The following ADAMTS9 variants were observed in gnomAD, a reference collection of about 807,000 sequenced individuals.
The protein encoded by ADAMTS9 is ADAM metallopeptidase with thrombospondin type 1 motif 9.
ADAMTS9 carries 107 observed loss-of-function variants against 257.1 expected under a neutral mutation model. The ratio of observed to expected loss-of-function variants is 0.42; its 90% CI spans 0.36 to 0.49. The LOEUF is 0.49. ADAMTS9 is among the 20% of genes least tolerant of loss of function. The pLI is 0.03. For synonymous variants in ADAMTS9, 982 were observed against 880.9 expected, an observed-to-expected ratio of 1.11 and a Z score of -2.03; for missense variants, 2,353 against 2,469.1, an observed-to-expected ratio of 0.95 and a Z score of 1.00.
Position 64,541,631 on chromosome 3 carries a change from C to T in ADAMTS9, c.5198-11G>A. On this transcript the variant is annotated splice_polypyrimidine_tract_variant and intron_variant, in intron 33 of 39. Coordinates refer to ENST00000498707, the MANE Select transcript of ADAMTS9 (RefSeq NM_182920.2). The stretch of plus-strand genomic sequence containing the variant: ...TCTGGGGTAACTCACCTAGAAAACA[C>T]CAATCACAAAAAATAGGGTGTGATG... 1 of 1,608,038 alleles carries T rather than the reference C, an allele frequency of 6.2e-7. No individual in the cohort carries two copies. Among genetic ancestry groups the T allele is most frequent in the Non-Finnish European group, 8.5e-7 (1 of 1,174,846 alleles).
chr3:64,601,813 A>G, intron 26 of ADAMTS9, 131 bp downstream of exon 26: 1 of 1,141,914 alleles, frequency 8.8e-7, no homozygotes, highest in Non-Finnish European at 1.2e-6. Context: ...AAGTTACTCA[A>G]AGCAAATGAA....
chr3:64,634,651 C>A (rs1448165087), intron 12 of ADAMTS9, among the ~76,000 whole-genome samples: 1 of 152,168 alleles, frequency 6.6e-6, no homozygotes, highest in Non-Finnish European at 1.5e-5. Flanking sequence ...CAGCAGTCAG[C>A]AGCATGCCAA....
intron 39 of ADAMTS9, among the ~76,000 whole-genome samples, chr3:64,517,715 T>C (rs905665753): frequency 9.2e-5 from 14 of 152,006 alleles, no homozygotes; most frequent in African/African-American, 3.1e-4. Flanking sequence ...CTAGTCTTTT[T>C]TCTATAAATA....
intron 28 of ADAMTS9, among the ~76,000 whole-genome samples, chr3:64,593,548 T>C (rs1456187985): frequency 6.6e-6 from 1 of 152,074 alleles, no homozygotes; most frequent in African/African-American, 2.4e-5. Context: ...GCCCCAGAAG[T>C]TTGCATCATA....
At chr3:64,632,543 T>TG (rs985325345) in intron 14 of ADAMTS9, among the ~76,000 whole-genome samples, 2 of 152,066 alleles carry the variant, frequency 1.3e-5, no homozygotes, top group African/African-American at 4.8e-5. Context: ...CTCCATCGAG[T>TG]GGCCTGCTGA....
intron 4 of ADAMTS9, among the ~76,000 whole-genome samples, chr3:64,658,047 G>A (rs1334539549): frequency 6.6e-6 from 1 of 152,052 alleles, no homozygotes; most frequent in African/African-American, 2.4e-5. Context: ...TAATACTACT[G>A]AATATCCACA....
In ADAMTS9 at chr3:64,687,956, G is replaced by T. The variant is rs1701965928; in HGVS notation, c.-299C>A. 4.5e-6 allele frequency: 1 copy of T among 223,280 alleles called. No individual in the cohort carries two copies. Among genetic ancestry groups the T allele is most frequent in the South Asian group, 1.3e-4 (1 of 7,830 alleles). 13.8% of individuals were successfully genotyped at this position (223,280 alleles called of 1,614,324 possible). A position where few individuals can be genotyped will look rare whatever the true frequency, so the allele number is the denominator to read the frequency against. On this transcript the variant is annotated 5_prime_UTR_variant, in exon 1 of 40. Transcript: ENST00000498707. The surrounding 1 kb of genome is among the most constrained non-coding windows in gnomAD (Gnocchi z 4.4). The stretch of plus-strand genomic sequence containing the variant: ...CGCATAATGCCCAGCGAGCGGGCAG[G>T]AGAAGGCGAGGAACTTGCGCTCCGA...
intron 29 of ADAMTS9, among the ~76,000 whole-genome samples, chr3:64,564,893 T>G (rs1212186493): frequency 6.6e-6 from 1 of 152,132 alleles, no homozygotes; most frequent in Non-Finnish European, 1.5e-5. Flanking sequence ...TCACCCGAAC[T>G]CAAGCAAAAA....
intron 12 of ADAMTS9, among the ~76,000 whole-genome samples, chr3:64,640,522 C>T (rs565718451): frequency 1.6e-3 from 243 of 152,226 alleles, no homozygotes; most frequent in African/African-American, 4.7e-3. Context: ...GTTTGCTATC[C>T]GTGATCTAAG....
chr3:64,553,604 C>T (rs776160663), intron 30 of ADAMTS9, among the ~76,000 whole-genome samples: 3 of 152,092 alleles, frequency 2.0e-5, no homozygotes, highest in Non-Finnish European at 4.4e-5. Flanking sequence ...CCGTGCCTTT[C>T]GTGAGCTACC....
In ADAMTS9 at chr3:64,594,331, G is replaced by C; in HGVS notation, c.4283C>G (p.Pro1428Arg). ...PDLSCEILDK[P>R]PDREQCNTHA... is the part of the protein sequence containing the mutation. ...TGTGTTACACTGCTCACGATCGGGA[G>C]GTTTATCAAGAATTTCACAGCTCAA... is the stretch of plus-strand genomic sequence containing the variant. Residue 1428 changes from proline to arginine, a missense_variant, in exon 28 of 40, where the codon CCT becomes CGT. Coordinates refer to ENST00000498707, the MANE Select transcript of ADAMTS9 (RefSeq NM_182920.2). The C allele has an allele frequency of 6.2e-7, 1 of 1,613,976 alleles. No homozygotes were observed.
At chr3:64,537,811 C>T (rs1438897014) in intron 37 of ADAMTS9, among the ~76,000 whole-genome samples, 1 of 152,210 alleles carries the variant, frequency 6.6e-6, no homozygotes, top group Non-Finnish European at 1.5e-5. Context: ...CCAAGTTCTC[C>T]TGCCCAGAAT....
chr3:64,519,278 T>C (rs2082820555), intron 39 of ADAMTS9, among the ~76,000 whole-genome samples: 1 of 152,186 alleles, frequency 6.6e-6, no homozygotes, highest in Non-Finnish European at 1.5e-5. Context: ...GAATTCTCTG[T>C]ATTAAAGTTA....
At chr3:64,544,712 T>C (rs1324342259) in intron 32 of ADAMTS9, among the ~76,000 whole-genome samples, 1 of 152,166 alleles carries the variant, frequency 6.6e-6, no homozygotes. Context: ...GGGCAAGGAC[T>C]TCATGACTAA....
chr3:64,676,162 ATCTG>A (rs1222501787), intron 3 of ADAMTS9, among the ~76,000 whole-genome samples: 20 of 152,284 alleles, frequency 1.3e-4, no homozygotes, highest in Middle Eastern at 3.4e-3. Flanking sequence ...CAGGATTTTT[ATCTG>A]TCTGGTTATT....
intron 3 of ADAMTS9, among the ~76,000 whole-genome samples, chr3:64,678,480 C>T (rs995825690): frequency 6.6e-6 from 1 of 152,200 alleles, no homozygotes; most frequent in Non-Finnish European, 1.5e-5. Flanking sequence ...CTTGCTTCAT[C>T]ACATTTGCCT....
At chr3:64,670,651 C>A (rs764233925) in intron 3 of ADAMTS9, among the ~76,000 whole-genome samples, 3 of 152,168 alleles carry the variant, frequency 2.0e-5, no homozygotes, top group African/African-American at 4.8e-5. Flanking sequence ...GAATAAAGAA[C>A]TTTCAGACTT....
intron 30 of ADAMTS9, 38 bp from the exon 31 acceptor site, chr3:64,551,100 T>C: frequency 3.1e-6 from 5 of 1,602,348 alleles, no homozygotes; most frequent in Non-Finnish European, 4.3e-6. Flanking sequence ...TAAACCGTAG[T>C]TCCTTATATC....
At chr3:64,525,153 C>T (rs2082895694) in intron 38 of ADAMTS9, among the ~76,000 whole-genome samples, 1 of 152,130 alleles carries the variant, frequency 6.6e-6, no homozygotes, top group South Asian at 2.1e-4. Flanking sequence ...CAGAACCTAC[C>T]ACAGTGTGTG....
Sources: gnomAD v4.1 joint callset for allele counts (sites outside exome capture counted in the v4.1 genomes callset) on GRCh38, gnomAD v4.1.1 for gene constraint, Gnocchi (gnomAD v3.1) non-coding constraint, MANE v1.5 for transcripts, NCBI Gene and HGNC (gene_info 2026-07-23, HGNC 2026-07-21) for gene names.